Variants in LYST observed in about 807,000 individuals in gnomAD.
LYST encodes the protein lysosomal-trafficking regulator.
Under a neutral mutation model 413.6 loss-of-function variants are expected in LYST, and 192 were observed. The observed-to-expected ratio is 0.46, with a 90% CI of 0.41 to 0.52. The LOEUF is 0.52. Ranked by LOEUF, LYST falls within the 20% of genes least tolerant of loss-of-function variation. LYST has a pLI of 0.00. For synonymous variants in LYST, 1,525 were observed against 1,567.3 expected, an observed-to-expected ratio of 0.97 and a Z score of 0.64; for missense variants, 3,815 against 4,499.9, an observed-to-expected ratio of 0.85 and a Z score of 4.35.
At chr1:235,685,058 A>G (rs1660099424) in intron 48 of LYST, among the ~76,000 whole-genome samples, 1 of 151,918 alleles carries the variant, frequency 6.6e-6, no homozygotes, top group South Asian at 2.1e-4. Context: ...AGTATTTGCC[A>G]CCCCCCAAAA....
At chr1:235,801,408 C>T (rs1217167539) in intron 8 of LYST, among the ~76,000 whole-genome samples, 1 of 150,594 alleles carries the variant, frequency 6.6e-6, no homozygotes, top group Non-Finnish European at 1.5e-5. Flanking sequence ...CCTATTCAAA[C>T]TTTCTGACCC....
In LYST at chr1:235,752,169, A is replaced by G. The variant is rs1260762277; in HGVS notation, c.7463T>C (p.Ile2488Thr). Residue 2488 changes from isoleucine (I) to threonine (T), a missense_variant and splice_region_variant, in exon 27 of 53, where the codon ATT becomes ACT. By Grantham distance (89) the Ile-to-Thr change is moderately conservative. Transcript: ENST00000389793. ...VAALNGLEKN[I>T]PMSEYKLLAC... is the part of the protein sequence containing the mutation. ...AAGCAATTTATATTCACTCATGGGA[A>G]TGCTAAAGATAACAACAAAAGAAGA... is the stretch of plus-strand genomic sequence containing the variant. 1 of 1,602,978 alleles carries G rather than the reference A, an allele frequency of 6.2e-7. No homozygotes were observed. Among genetic ancestry groups the G allele is most frequent in the Non-Finnish European group, 8.5e-7 (1 of 1,171,232 alleles).
At chr1:235,850,801 A>G (rs1012946536) in intron 1 of LYST, among the ~76,000 whole-genome samples, 3 of 152,188 alleles carry the variant, frequency 2.0e-5, no homozygotes, top group Admixed American at 2.0e-4. Context: ...TGATCAGGGG[A>G]ATGCAAATCA....
At chr1:235,696,507 G>A (rs1301744932) in intron 46 of LYST, among the ~76,000 whole-genome samples, 1 of 152,140 alleles carries the variant, frequency 6.6e-6, no homozygotes, top group East Asian at 1.9e-4. Flanking sequence ...TGGCTAATTT[G>A]GAATGGCTGA....
intron 49 of LYST, 53 bp downstream of exon 49, chr1:235,677,426 TA>T (rs1659469208): frequency 3.8e-6 from 6 of 1,568,872 alleles, no homozygotes; most frequent in African/African-American, 1.4e-5. Flanking sequence ...TTTCATATAG[TA>T]AAAATGGATA....
At chr1:235,846,427 C>A (rs1000581485) in intron 1 of LYST, among the ~76,000 whole-genome samples, 5 of 152,186 alleles carry the variant, frequency 3.3e-5, no homozygotes, top group East Asian at 1.9e-4. Context: ...TGAGAAGGAA[C>A]CAGAAAACCA....
chr1:235,839,139 T>C (rs1676911804), intron 1 of LYST, among the ~76,000 whole-genome samples: 1 of 151,712 alleles, frequency 6.6e-6, no homozygotes, highest in African/African-American at 2.4e-5. Context: ...TTTCGTTCTC[T>C]ACATATAAAA....
intron 7 of LYST, 76 bp from the exon 8 acceptor site, chr1:235,803,140 T>C: frequency 1.7e-6 from 2 of 1,150,790 alleles, no homozygotes; most frequent in Non-Finnish European, 2.6e-6. Flanking sequence ...TCAAAAGTCA[T>C]GTTAAGGACA....
intron 19 of LYST, among the ~76,000 whole-genome samples, chr1:235,772,711 A>G (rs534174963): frequency 6.6e-6 from 1 of 152,222 alleles, no homozygotes; most frequent in African/African-American, 2.4e-5. Flanking sequence ...CCTGGCCAGC[A>G]TGGCTCCCCT....
At chr1:235,841,315 ATT>A (rs200714576) in intron 1 of LYST, among the ~76,000 whole-genome samples, 2 of 151,172 alleles carry the variant, frequency 1.3e-5, no homozygotes, top group African/African-American at 4.9e-5. Flanking sequence ...AGGTTAAGGA[ATT>A]TTTTTTTTCA....
At chr1:235,788,956 AC>A in intron 12 of LYST, 111 bp from the exon 13 acceptor site, 2 of 952,618 alleles carry the variant, frequency 2.1e-6, no homozygotes, top group Non-Finnish European at 3.3e-6. Context: ...TAGGTTATCT[AC>A]CCAGAATGTC....
intron 14 of LYST, among the ~76,000 whole-genome samples, chr1:235,782,836 A>G (rs1051963557): frequency 1.3e-5 from 2 of 152,202 alleles, no homozygotes; most frequent in African/African-American, 4.8e-5. Context: ...GTAAAAACAT[A>G]ACTTCTTCAA....
chr1:235,704,603 GT>G (rs1286929546), intron 44 of LYST, among the ~76,000 whole-genome samples: 5 of 152,010 alleles, frequency 3.3e-5, no homozygotes, highest in African/African-American at 7.3e-5. Context: ...TAATGAGGTT[GT>G]TTTTTTCTTA....
At chr1:235,802,099 TAGA>T (rs1196051335) in intron 8 of LYST, among the ~76,000 whole-genome samples, 1 of 141,292 alleles carries the variant, frequency 7.1e-6, no homozygotes, top group Non-Finnish European at 1.5e-5. Context: ...GAGGCAGAGG[TAGA>T]AGAATAGCTT....
intron 14 of LYST, among the ~76,000 whole-genome samples, chr1:235,783,047 G>A (rs1381299547): frequency 6.6e-6 from 1 of 151,880 alleles, no homozygotes; most frequent in Non-Finnish European, 1.5e-5. Flanking sequence ...TCATCAACTA[G>A]TGAAACCACA....
At chr1:235,758,493 C>G (rs1667258169) in intron 23 of LYST, among the ~76,000 whole-genome samples, 1 of 152,200 alleles carries the variant, frequency 6.6e-6, no homozygotes, top group Admixed American at 6.5e-5. Context: ...ATTATAATTA[C>G]CTGAGTGGAA....
rs773170507 is a variant in LYST at position 235,697,180 on chromosome 1, G to A, written c.10467C>T (p.His3489=). 100 of 1,613,958 alleles carry A rather than the reference G, an allele frequency of 6.2e-5. 1 individual carries two copies. The highest frequency in any genetic ancestry group is 1.2e-4 in the South Asian group (11 of 91,088). ...CCTGGAGAGAGCCAAATCTTTCTCC[G>A]TGGGGCTGGCTGAAGCAGACCACAG... ...PVPVVCFSQP[H]GERFGSLQAL... Residue 3489 remains histidine, a synonymous_variant, in exon 46 of 53, where the codon CAC becomes CAT. Transcript: ENST00000389793.
At chr1:235,841,021 T>C (rs1677140945) in intron 1 of LYST, among the ~76,000 whole-genome samples, 1 of 152,092 alleles carries the variant, frequency 6.6e-6, no homozygotes, top group Admixed American at 6.5e-5. Flanking sequence ...GTGTGCAGAG[T>C]CTGCTGTCAG....
intron 3 of LYST, chr1:235,828,930 T>A (rs1675631056): frequency 2.3e-6 from 2 of 884,476 alleles, no homozygotes; most frequent in Non-Finnish European, 2.7e-6. Context: ...CTTGGCTGGG[T>A]GCAGTGGCTC....
Sources: gnomAD v4.1 joint callset for allele counts (sites outside exome capture counted in the v4.1 genomes callset) on GRCh38, gnomAD v4.1.1 for gene constraint, MANE v1.5 for transcripts, NCBI Gene and HGNC (gene_info 2026-07-23, HGNC 2026-07-21) for gene names.